PRMT8: variants seen among roughly 807,000 people sequenced by gnomAD.
The protein encoded by PRMT8 is protein arginine N-methyltransferase 8.
PRMT8 carries 7 observed loss-of-function variants against 47.1 expected under a neutral mutation model. The ratio of observed to expected loss-of-function variants is 0.15; its 90% CI spans 0.08 to 0.28. The LOEUF is 0.28. Among genes scored for constraint, PRMT8 ranks in the 10% least tolerant of loss-of-function variants. The pLI is 1.00. For missense variants in PRMT8, 237 were observed against 505.4 expected (o/e 0.47, Z 5.09); for synonymous variants, 188 against 186.5 (o/e 1.01, Z -0.07).
intron 1 of PRMT8, among the ~76,000 whole-genome samples, chr12:3,387,508 G>C (rs180935980): frequency 1.3e-5 from 2 of 152,284 alleles, no homozygotes; most frequent in African/African-American, 4.8e-5. Context: ...CTAATGGCTT[G>C]AGCCATCTCA....
chr12:3,481,113 C>T (rs1865270642), intron 1 of PRMT8, among the ~76,000 whole-genome samples: 1 of 152,192 alleles, frequency 6.6e-6, no homozygotes, highest in South Asian at 2.1e-4. Context: ...GAAGACAGAC[C>T]ATGGCCCAGG....
intron 1 of PRMT8, among the ~76,000 whole-genome samples, chr12:3,526,118 G>A (rs1865947054): frequency 6.6e-6 from 1 of 152,012 alleles, no homozygotes; most frequent in Non-Finnish European, 1.5e-5. Flanking sequence ...TAGTCTTACC[G>A]TTTTTGTCTT....
At chr12:3,452,982 C>G (rs1005106602) in intron 1 of PRMT8, among the ~76,000 whole-genome samples, 3 of 152,152 alleles carry the variant, frequency 2.0e-5, no homozygotes, top group Non-Finnish European at 4.4e-5. Flanking sequence ...ACAAAAAATC[C>G]ACACAAAGAA....
intron 2 of PRMT8, among the ~76,000 whole-genome samples, chr12:3,549,109 TGGG>T (rs1420330604): frequency 6.6e-6 from 1 of 152,186 alleles, no homozygotes; most frequent in Non-Finnish European, 1.5e-5. Flanking sequence ...TTTGTCATCT[TGGG>T]AGAGGCTGAA....
chr12:3,578,887 C>T (rs538127325), intron 7 of PRMT8, among the ~76,000 whole-genome samples: 190 of 152,280 alleles, frequency 1.2e-3, no homozygotes, highest in Non-Finnish European at 2.2e-3. Flanking sequence ...TCAGATGCCC[C>T]CTCTCTTTAG....
chr12:3,394,259 T>C (rs1246412821), intron 1 of PRMT8, among the ~76,000 whole-genome samples: 12 of 151,968 alleles, frequency 7.9e-5, no homozygotes, highest in Admixed American at 2.6e-4. Context: ...TGAATAGGAG[T>C]GGTGAGAGAG....
At chr12:3,523,294 A>G (rs537294102) in intron 1 of PRMT8, among the ~76,000 whole-genome samples, 1 of 152,200 alleles carries the variant, frequency 6.6e-6, no homozygotes, top group African/African-American at 2.4e-5. Context: ...GCCCTACGCC[A>G]CCTAACTGTA....
At chr12:3,592,797 C>A (rs948884866) in intron 9 of PRMT8, among the ~76,000 whole-genome samples, 1 of 152,210 alleles carries the variant, frequency 6.6e-6, no homozygotes, top group Non-Finnish European at 1.5e-5. Context: ...CTGCAGAGTG[C>A]TCTGAAGGTC....
intron 1 of PRMT8, among the ~76,000 whole-genome samples, chr12:3,464,132 T>A (rs1170251815): frequency 1.3e-5 from 2 of 152,186 alleles, no homozygotes; most frequent in Non-Finnish European, 2.9e-5. Context: ...CGGCACGTTA[T>A]TTTTATTAAG....
intron 1 of PRMT8, among the ~76,000 whole-genome samples, chr12:3,430,678 T>C (rs893153888): frequency 1.3e-5 from 2 of 152,248 alleles, no homozygotes; most frequent in African/African-American, 4.8e-5. Context: ...TCAACCTTTC[T>C]AGTTTGGCAG....
chr12:3,438,429 CAG>C (rs929716927), intron 1 of PRMT8, among the ~76,000 whole-genome samples: 17 of 152,334 alleles, frequency 1.1e-4, no homozygotes, highest in African/African-American at 3.8e-4. Flanking sequence ...CCCTCCAGGG[CAG>C]AGTGTTCTTC....
intron 1 of PRMT8, among the ~76,000 whole-genome samples, chr12:3,449,234 T>G (rs143393269): frequency 0.018 from 2,697 of 152,296 alleles, 79 homozygotes; most frequent in African/African-American, 0.06. Context: ...ATGATTTATA[T>G]TCCTTTGGGT....
chr12:3,507,283 G>A (rs541026297), intron 1 of PRMT8, among the ~76,000 whole-genome samples: 1 of 151,962 alleles, frequency 6.6e-6, no homozygotes, highest in African/African-American at 2.4e-5. Flanking sequence ...CACTGCGCCC[G>A]GCTAATTTTT....
chr12:3,561,346 C>G (rs1591603322), intron 4 of PRMT8, among the ~76,000 whole-genome samples: 2 of 152,212 alleles, frequency 1.3e-5, no homozygotes, highest in African/African-American at 4.8e-5. Flanking sequence ...CAAATACAAT[C>G]TGTTGTCTAT....
intron 1 of PRMT8, among the ~76,000 whole-genome samples, chr12:3,515,782 A>C (rs539878748): frequency 6.6e-6 from 1 of 152,332 alleles, no homozygotes; most frequent in East Asian, 1.9e-4. Flanking sequence ...TTGCTCTGCG[A>C]AACAGGCTGC....
At chr12:3,383,496 G>A (rs1267291064) in intron 1 of PRMT8, among the ~76,000 whole-genome samples, 4 of 152,190 alleles carry the variant, frequency 2.6e-5, no homozygotes, top group African/African-American at 7.2e-5. Flanking sequence ...TAAGAGGTGG[G>A]GCCTCTGGGA....
rs1327583448 is a variant in PRMT8, at chr12:3,493,872, G to A, written c.75+2172G>A. On this transcript the variant is annotated intron_variant, in intron 1 of 9. Coordinates refer to ENST00000382622, the MANE Select transcript of PRMT8 (RefSeq NM_019854.5). The surrounding 1 kb of genome is among the most constrained non-coding windows in gnomAD (Gnocchi z 8.2). ...GGGACAGACCCAGCTGGGGCTCCTTGGAGGGGTGTGAGCCAGGTTGGCGGA... is the reference window on the plus strand; with the variant it reads ...GGGACAGACCCAGCTGGGGCTCCTTAGAGGGGTGTGAGCCAGGTTGGCGGA... Among the ~76,000 whole-genome samples the A allele has an allele frequency of 2.0e-5, 3 of 152,256 alleles. No individual in the cohort carries two copies. Among genetic ancestry groups the A allele is most frequent in the Non-Finnish European group, 2.9e-5 (2 of 68,050 alleles).
chr12:3,483,470 T>C (rs1865293889), intron 1 of PRMT8, among the ~76,000 whole-genome samples: 1 of 151,918 alleles, frequency 6.6e-6, no homozygotes, highest in Non-Finnish European at 1.5e-5. Context: ...TCCTGTGGAA[T>C]AACTTGAGTG....
chr12:3,407,802 T>A (rs1234521598), intron 1 of PRMT8, among the ~76,000 whole-genome samples: 1 of 152,138 alleles, frequency 6.6e-6, no homozygotes, highest in Non-Finnish European at 1.5e-5. Flanking sequence ...CTGTGTTACT[T>A]TTTTCATTCT....
Sources: allele counts gnomAD v4.1 joint callset (sites outside exome capture counted in the v4.1 genomes callset), GRCh38; gene constraint gnomAD v4.1.1; non-coding constraint Gnocchi (gnomAD v3.1); transcripts MANE v1.5; gene names NCBI Gene and HGNC (gene_info 2026-07-23, HGNC 2026-07-21).